Variants in CCDC33 observed in about 807,000 individuals in gnomAD.
The protein encoded by CCDC33 is coiled-coil domain-containing protein 33.
Under a neutral mutation model 91.9 loss-of-function variants are expected in CCDC33, and 94 were observed. The observed-to-expected ratio is 1.02, with a 90% CI of 0.87 to 1.21. CCDC33 has a LOEUF of 1.21. Ranked by LOEUF, CCDC33 falls within the 50% of genes most tolerant of loss-of-function variation. The probability of loss-of-function intolerance (pLI) is 0.00; values close to 1 mark genes in which losing one functional copy is unlikely to be tolerated. For synonymous variants in CCDC33, 396 were observed against 374.5 expected, an observed-to-expected ratio of 1.06 and a Z score of -0.66; for missense variants, 940 against 935.5, an observed-to-expected ratio of 1.00 and a Z score of -0.06.
intron 1 of CCDC33, among the ~76,000 whole-genome samples, chr15:74,241,556 C>A (rs75963067): frequency 6.6e-6 from 1 of 152,194 alleles, no homozygotes; most frequent in East Asian, 1.9e-4. Context: ...GAGGGCCCCA[C>A]GGGCCATTGC....
In CCDC33 at chr15:74,244,408, C is replaced by T. The variant is rs1004318809; in HGVS notation, c.185+260C>T. 6.6e-6 allele frequency among the ~76,000 whole-genome samples: 1 copy of T among 152,096 alleles called. No individual in the cohort carries two copies. Among genetic ancestry groups the T allele is most frequent in the Non-Finnish European group, 1.5e-5 (1 of 68,010 alleles). ...ACACCAGTGGGGCAGGGATTGGTCA[C>T]AGCTCAGCTCCAGTGGGGCAGGTTC... is the stretch of plus-strand genomic sequence containing the variant. On this transcript the variant is annotated intron_variant, in intron 2 of 18. Transcript: ENST00000398814. This position sits in a 1 kb window ranked among gnomAD's most constrained non-coding sequence, Gnocchi z 4.2.
chr15:74,212,212 G>T (rs753130178), upstream of CCDC33: 1 of 152,398 alleles, frequency 6.6e-6, no homozygotes, highest in Admixed American at 6.5e-5. Flanking sequence ...CTTGGACACC[G>T]TCTCAGGGGT....
intron 7 of CCDC33, among the ~76,000 whole-genome samples, chr15:74,275,358 C>T (rs1420089261): frequency 6.6e-6 from 1 of 152,188 alleles, no homozygotes; most frequent in Non-Finnish European, 1.5e-5. Context: ...AAATGGGTTC[C>T]ACTCTTAACA....
chr15:74,274,336 C>T (rs1296643250), intron 7 of CCDC33, among the ~76,000 whole-genome samples: 1 of 152,168 alleles, frequency 6.6e-6, no homozygotes, highest in Non-Finnish European at 1.5e-5. Flanking sequence ...TCATGATCTG[C>T]GCTTCACTGC....
In CCDC33 at chr15:74,281,866, G is replaced by T; in HGVS notation, c.1095+17G>T. ...TCCTCTGAGGTAAGGCTGTGGGCCA[G>T]GGGAGGGTCAGGGCCAGCAGGCACA... On this transcript the variant is annotated intron_variant, in intron 10 of 18. Transcript: ENST00000398814. The T allele has an allele frequency of 6.2e-7, 1 of 1,611,200 alleles. No individual in the cohort carries two copies. Among genetic ancestry groups the T allele is most frequent in the South Asian group, 1.1e-5 (1 of 90,928 alleles).
At chr15:74,305,028 C>T (rs1194231708) in intron 11 of CCDC33, among the ~76,000 whole-genome samples, 1 of 152,032 alleles carries the variant, frequency 6.6e-6, no homozygotes, top group Non-Finnish European at 1.5e-5. Context: ...CTCACTGCAA[C>T]CTCCGCCTCC....
chr15:74,324,548 C>T (rs1229179022), intron 11 of CCDC33, among the ~76,000 whole-genome samples: 4 of 152,060 alleles, frequency 2.6e-5, no homozygotes, highest in African/African-American at 9.7e-5. Context: ...CCTCCTACCT[C>T]TCTGGCAATT....
At chr15:74,205,112 A>C (rs1595867930) in intron 1 of CCDC33, among the ~76,000 whole-genome samples, 2 of 152,176 alleles carry the variant, frequency 1.3e-5, no homozygotes, top group African/African-American at 4.8e-5. Flanking sequence ...AAGTGGGGGA[A>C]GAGAAGAGAG....
chr15:74,261,580 G>C (rs2076025294), intron 2 of CCDC33, among the ~76,000 whole-genome samples: 1 of 152,282 alleles, frequency 6.6e-6, no homozygotes, highest in Middle Eastern at 3.4e-3. Flanking sequence ...AGGATCTCTG[G>C]GATGATTCCT....
At chr15:74,217,377 G>A in exon 1 of CCDC33, 1 of 1,290,006 alleles carries the variant, frequency 7.8e-7, no homozygotes. Flanking sequence ...TTTGAGCGTG[G>A]GGTTTAATGA....
chr15:74,210,668 A>C (rs2074353340), intron 2 of CCDC33, among the ~76,000 whole-genome samples: 1 of 152,210 alleles, frequency 6.6e-6, no homozygotes, highest in African/African-American at 2.4e-5. Context: ...GCCTGCTGTG[A>C]GTAAGGAGCT....
rs1041915204 is a variant in CCDC33, at chr15:74,297,015, C to T, written c.1290+1067C>T. Among the ~76,000 whole-genome samples, 4 of 152,344 alleles carry T rather than the reference C, an allele frequency of 2.6e-5. No homozygotes were observed. The South Asian group carries it at 6.2e-4, about 24-fold the overall frequency. ...AAGCCATCCTCCTCCCAGGACCTGACCTCCTCCACCAACAGCCTCCTCATC... is the reference window on the plus strand; with the variant it reads ...AAGCCATCCTCCTCCCAGGACCTGATCTCCTCCACCAACAGCCTCCTCATC... On this transcript the variant is annotated intron_variant, in intron 11 of 18. Coordinates refer to ENST00000398814, the MANE Select transcript of CCDC33 (RefSeq NM_025055.5).
intron 1 of CCDC33, among the ~76,000 whole-genome samples, chr15:74,240,531 G>A (rs1322733540): frequency 6.6e-6 from 1 of 152,168 alleles, no homozygotes; most frequent in Admixed American, 6.5e-5. Context: ...ATTCCCATTG[G>A]CCAGGTGGGA....
chr15:74,262,521 C>G lies in CCDC33; in HGVS notation c.267C>G (p.Ile89Met), dbSNP rs2076053705. ...CCTCAGAGCCCACCAGAGCCCCTAT[C>G]TGGGGGGACACGGTGAATGTGGAGA... Reference protein sequence around the residue: ...SVTSEPTRAPIWGDTVNVEIQ... With the variant: ...SVTSEPTRAPMWGDTVNVEIQ... The change falls in exon 3 of 19, where the codon ATC becomes ATG. Residue 89 changes from isoleucine (I) to methionine (M), a missense_variant. Coordinates refer to ENST00000398814, the MANE Select transcript of CCDC33 (RefSeq NM_025055.5). 3 of 1,614,014 alleles carry G rather than the reference C, an allele frequency of 1.9e-6. No homozygotes were observed. Among genetic ancestry groups the G allele is most frequent in the African/African-American group, 2.7e-5 (2 of 75,022 alleles).
chr15:74,318,491 G>A (rs571259244), intron 11 of CCDC33: 9 of 601,000 alleles, frequency 1.5e-5, no homozygotes, highest in Non-Finnish European at 2.4e-5. Context: ...GGGCCTGCCT[G>A]CTTCCAGCTC....
chr15:74,296,486 C>T (rs779154889), intron 11 of CCDC33, among the ~76,000 whole-genome samples: 5 of 152,110 alleles, frequency 3.3e-5, no homozygotes, highest in Non-Finnish European at 5.9e-5. Context: ...ATTAGCCAGA[C>T]GTGGTGGTGC....
chr15:74,234,783 A>C (rs2075094442), upstream of CCDC33, among the ~76,000 whole-genome samples: 1 of 152,264 alleles, frequency 6.6e-6, no homozygotes, highest in Non-Finnish European at 1.5e-5. Context: ...GCTGCAGGGC[A>C]GGGCAAGGAC....
chr15:74,272,837 C>A lies in CCDC33; in HGVS notation c.705C>A (p.Ile235=). 2 of 1,614,274 alleles carry A rather than the reference C, an allele frequency of 1.2e-6. No homozygotes were observed. Among genetic ancestry groups the A allele is most frequent in the Non-Finnish European group, 8.5e-7 (1 of 1,180,040 alleles). The change falls in exon 7 of 19, where the codon ATC becomes ATA. Residue 235 remains isoleucine (I), a synonymous_variant. Transcript: ENST00000398814. ...CCATCACCCCACTGTCCTTCCCTAT[C>A]CCGTCCATGATGAACTTTGACGTGC... ...GLPITPLSFP[I]PSMMNFDVPR...
intron 11 of CCDC33, chr15:74,300,569 C>T (rs137968168): frequency 6.6e-6 from 1 of 152,262 alleles, no homozygotes; most frequent in African/African-American, 2.4e-5. Context: ...CTTGGCCTCC[C>T]CTGATTTCAG....
Sources: gnomAD v4.1 joint callset for allele counts (sites outside exome capture counted in the v4.1 genomes callset) on GRCh38, gnomAD v4.1.1 for gene constraint, Gnocchi (gnomAD v3.1) non-coding constraint, MANE v1.5 for transcripts, NCBI Gene and HGNC (gene_info 2026-07-23, HGNC 2026-07-21) for gene names.